Variants in YEATS2 observed in about 807,000 individuals in gnomAD.
YEATS2 encodes the protein YEATS domain-containing protein 2.
In YEATS2, 77 loss-of-function variants were observed where a neutral mutation model predicts 163.2. That is an observed-to-expected ratio of 0.47 (90% CI 0.39 to 0.57). YEATS2 has a LOEUF of 0.57. YEATS2 is among the 20% of genes least tolerant of loss of function. The pLI, the probability that YEATS2 is intolerant of heterozygous loss-of-function variation, is 0.00. For missense variants in YEATS2, 1,549 were observed against 1,729.8 expected (o/e 0.90, Z 1.85); for synonymous variants, 631 against 645.1 (o/e 0.98, Z 0.33).
At chr3:183,768,272 C>G (rs1722109589) in intron 15 of YEATS2, among the ~76,000 whole-genome samples, 1 of 152,150 alleles carries the variant, frequency 6.6e-6, no homozygotes, top group Non-Finnish European at 1.5e-5. Context: ...CGCTTCTTGC[C>G]AAGAGGAAGG....
intron 8 of YEATS2, among the ~76,000 whole-genome samples, chr3:183,738,924 G>A (rs1453096767): frequency 5.5e-4 from 80 of 145,364 alleles, no homozygotes; most frequent in Admixed American, 5.6e-4. Context: ...ACCCAGTAAT[G>A]GGATGGCTGG....
intron 19 of YEATS2, among the ~76,000 whole-genome samples, chr3:183,780,706 A>T (rs1723485453): frequency 6.6e-6 from 1 of 152,260 alleles, no homozygotes; most frequent in Non-Finnish European, 1.5e-5. Context: ...ATAAAACTGC[A>T]GTCACAGAGA....
intron 15 of YEATS2, among the ~76,000 whole-genome samples, chr3:183,769,819 A>G (rs987726864): frequency 2.6e-5 from 4 of 151,954 alleles, no homozygotes; most frequent in Non-Finnish European, 5.9e-5. Flanking sequence ...CAGCCTCCCG[A>G]GTAGCTGGGG....
chr3:183,732,119 AG>A (rs1268041740), intron 7 of YEATS2, among the ~76,000 whole-genome samples: 1 of 152,122 alleles, frequency 6.6e-6, no homozygotes. Context: ...CACCAGATTT[AG>A]AACTTCTCGA....
chr3:183,723,285 G>A (rs1577059981), intron 5 of YEATS2, among the ~76,000 whole-genome samples: 1 of 152,122 alleles, frequency 6.6e-6, no homozygotes, highest in Non-Finnish European at 1.5e-5. Context: ...AAAATATTTG[G>A]CTATAGAGTC....
chr3:183,804,088 C>G lies in YEATS2; in HGVS notation c.3684C>G (p.His1228Gln), dbSNP rs771325722. The G allele has an allele frequency of 1.5e-5, 25 of 1,614,062 alleles. No homozygotes were observed. The highest frequency in any genetic ancestry group is 3.3e-4 in the Middle Eastern group (2 of 6,084). Residue 1228 changes from histidine to glutamine, a missense_variant, in exon 27 of 31, where the codon CAC becomes CAG. By Grantham distance (24) the His-to-Gln change is conservative. Coordinates refer to ENST00000305135, the MANE Select transcript of YEATS2 (RefSeq NM_018023.5). ...CCCTCAAAACCAAGCACATCGCTCA[C>G]TGGTGCCGCTGTCATGGCTACACCC... Reference protein sequence around the residue: ...LTPLKTKHIAHWCRCHGYTPP... With the variant: ...LTPLKTKHIAQWCRCHGYTPP...
Position 183,804,061 on chromosome 3 carries a change from T to C in YEATS2, c.3657T>C (p.Thr1219=). The C allele has an allele frequency of 3.1e-6, 5 of 1,614,056 alleles. No homozygotes were observed. The highest frequency in any genetic ancestry group is 4.2e-6 in the Non-Finnish European group (5 of 1,180,010). The change falls in exon 27 of 31, where the codon ACT becomes ACC. Residue 1219 remains threonine, a synonymous_variant. Coordinates refer to ENST00000305135, the MANE Select transcript of YEATS2 (RefSeq NM_018023.5). ...AGAATCCGAGATTTCACCACCTGAC[T>C]CCCCTCAAAACCAAGCACATCGCTC... ...LEKNPRFHHL[T]PLKTKHIAHW...
At chr3:183,714,222 G>A (rs1232050099) in intron 1 of YEATS2, among the ~76,000 whole-genome samples, 2 of 147,670 alleles carry the variant, frequency 1.4e-5, no homozygotes, top group African/African-American at 5.0e-5. Context: ...TTGAGATGGA[G>A]TCTCGCTCTG....
chr3:183,776,077 C>A lies in YEATS2; in HGVS notation c.2531C>A (p.Ser844Tyr). Residue 844 changes from serine to tyrosine, a missense_variant, in exon 18 of 31, where the codon TCT becomes TAT. Physicochemically the swap from Ser to Tyr is moderately radical, Grantham distance 144. Transcript: ENST00000305135. Reference sequence around the variant, plus strand: ...AGTACTGCTGGCCCTGGAGGGATATCTCAGCACCTGACTTACACATCTTAC... The same window carrying A: ...AGTACTGCTGGCCCTGGAGGGATATATCAGCACCTGACTTACACATCTTAC... ...TQSTAGPGGI[S>Y]QHLTYTSYIL... 1 of 1,609,954 alleles carries A rather than the reference C, an allele frequency of 6.2e-7. No homozygotes were observed. Among genetic ancestry groups the A allele is most frequent in the Non-Finnish European group, 8.5e-7 (1 of 1,178,004 alleles).
intron 19 of YEATS2, among the ~76,000 whole-genome samples, chr3:183,781,890 A>G (rs1723594293): frequency 6.6e-6 from 1 of 152,044 alleles, no homozygotes; most frequent in African/African-American, 2.4e-5. Flanking sequence ...GCGATAGAGC[A>G]ACACCCTGTC....
At chr3:183,737,293 A>G (rs560945291) in intron 8 of YEATS2, among the ~76,000 whole-genome samples, 6 of 152,248 alleles carry the variant, frequency 3.9e-5, no homozygotes, top group Admixed American at 3.3e-4. Context: ...CCCATGTTCA[A>G]AGGTCAGCTG....
At chr3:183,703,625 G>A (rs1714331451) in intron 1 of YEATS2, among the ~76,000 whole-genome samples, 1 of 152,144 alleles carries the variant, frequency 6.6e-6, no homozygotes, top group Non-Finnish European at 1.5e-5. Context: ...GTTTAAATAG[G>A]TGGAGAAATT....
At chr3:183,736,678 G>A (rs747221519) in intron 7 of YEATS2, 40 bp from the exon 8 acceptor site, 1 of 1,524,766 alleles carries the variant, frequency 6.6e-7, no homozygotes, top group Admixed American at 1.9e-5. Context: ...GGATGAGAGA[G>A]TGAACATGGA....
In YEATS2 at chr3:183,715,267, A is replaced by G. The variant is rs907917727; in HGVS notation, c.100+5A>G. 1 of 1,603,384 alleles carries G rather than the reference A, an allele frequency of 6.2e-7. No homozygotes were observed. The highest frequency in any genetic ancestry group is 8.5e-7 in the Non-Finnish European group (1 of 1,171,790). On this transcript the variant is annotated splice_donor_5th_base_variant and intron_variant, in intron 2 of 30. Coordinates refer to ENST00000305135, the MANE Select transcript of YEATS2 (RefSeq NM_018023.5). ...ATAAAGCAATTGAGAATTCAGGTAGAAATCCTGCCTTAGGAAATTATTTCT... is the reference window on the plus strand; with the variant it reads ...ATAAAGCAATTGAGAATTCAGGTAGGAATCCTGCCTTAGGAAATTATTTCT...
At position 183,736,718 on chromosome 3, in the gene YEATS2, A is replaced by G. The variant is rs1327131052; in HGVS notation, c.813A>G (p.Arg271=). 6.2e-7 allele frequency: 1 copy of G among 1,611,604 alleles called. No individual in the cohort carries two copies. The highest frequency in any genetic ancestry group is 2.2e-5 in the East Asian group (1 of 44,806). Reference sequence around the variant, plus strand: ...CGTGTTAATATCTGCTTTTCCATAGAGAGCCTCCTTTTCACCTGACCAGAA... The same window carrying G: ...CGTGTTAATATCTGCTTTTCCATAGGGAGCCTCCTTTTCACCTGACCAGAA... ...SYKPNDLVEV[R]EPPFHLTRRG... Residue 271 remains arginine (R), a splice_region_variant and synonymous_variant, in exon 8 of 31, where the codon AGA becomes AGG. Transcript: ENST00000305135.
intron 7 of YEATS2, among the ~76,000 whole-genome samples, chr3:183,733,718 A>G (rs751338391): frequency 7.2e-5 from 11 of 152,224 alleles, no homozygotes; most frequent in Non-Finnish European, 1.2e-4. Flanking sequence ...GAATCTCTTC[A>G]TCACAGCACA....
chr3:183,716,968 C>G (rs1560227024), intron 2 of YEATS2, among the ~76,000 whole-genome samples: 2 of 151,842 alleles, frequency 1.3e-5, no homozygotes, highest in Admixed American at 1.3e-4. Context: ...TCTCGGCTCA[C>G]TGCCACCTCT....
intron 1 of YEATS2, among the ~76,000 whole-genome samples, chr3:183,700,770 CAAAAAA>C (rs774835127): frequency 2.6e-4 from 10 of 37,752 alleles, no homozygotes; most frequent in Admixed American, 1.5e-3. Context: ...GACTTCGTCT[CAAAAAA>C]AAAAAAAAAA....
chr3:183,703,971 A>G (rs1483209993), intron 1 of YEATS2, among the ~76,000 whole-genome samples: 1 of 151,804 alleles, frequency 6.6e-6, no homozygotes, highest in Non-Finnish European at 1.5e-5. Context: ...CCCTCCCTCT[A>G]CTAAAAAAAT....
Sources: allele counts gnomAD v4.1 joint callset (sites outside exome capture counted in the v4.1 genomes callset), GRCh38; gene constraint gnomAD v4.1.1; transcripts MANE v1.5; gene names NCBI Gene and HGNC (gene_info 2026-07-23, HGNC 2026-07-21).